HERC5: variants seen among roughly 807,000 people sequenced by gnomAD.
The protein encoded by HERC5 is E3 ISG15--protein ligase HERC5.
In HERC5, 99 loss-of-function variants were observed where a neutral mutation model predicts 119.6. That is an observed-to-expected ratio of 0.83 (90% confidence interval 0.70 to 0.98). The LOEUF is 0.98. Ranked by LOEUF, HERC5 falls within the 50% of genes least tolerant of loss-of-function variation. The pLI is 0.00. For missense variants in HERC5, 1,267 were observed against 1,241.3 expected, an observed-to-expected ratio of 1.02 and a Z score of -0.31; for synonymous variants, 478 against 445.9, an observed-to-expected ratio of 1.07 and a Z score of -0.91.
rs7688056 is a variant in HERC5, at chr4:88,503,591, G to A, written c.2583-641G>A. 5.9e-3 allele frequency among the ~76,000 whole-genome samples: 892 copies of A among 152,138 alleles called. 16 individuals carry two copies. Among genetic ancestry groups the A allele is most frequent in the South Asian group, 0.042 (202 of 4,816 alleles). The stretch of plus-strand genomic sequence containing the variant: ...GTTTTACCTTCCTGGTATATGACTC[G>A]GTTGTCATTAGTAAATGTACTTTTC... On this transcript the variant is annotated intron_variant, in intron 20 of 22. Coordinates refer to ENST00000264350, the MANE Select transcript of HERC5 (RefSeq NM_016323.4).
intron 18 of HERC5, among the ~76,000 whole-genome samples, chr4:88,497,051 G>T (rs1741814436): frequency 6.6e-6 from 1 of 152,130 alleles, no homozygotes; most frequent in African/African-American, 2.4e-5. Context: ...GAATCTGCTG[G>T]CACTTTGATC....
intron 3 of HERC5, among the ~76,000 whole-genome samples, chr4:88,460,565 G>C (rs1740393541): frequency 6.6e-6 from 1 of 152,188 alleles, no homozygotes. Context: ...CCAGGCTGCA[G>C]ACCTCTGATA....
chr4:88,479,564 T>C (rs1741203827), intron 13 of HERC5, 57 bp downstream of exon 13: 7 of 1,419,724 alleles, frequency 4.9e-6, no homozygotes, highest in Admixed American at 5.0e-5. Context: ...ATTCCCTTCC[T>C]TTCAGCTGGC....
intron 14 of HERC5, among the ~76,000 whole-genome samples, chr4:88,486,767 A>G (rs889443717): frequency 6.6e-6 from 1 of 152,224 alleles, no homozygotes; most frequent in African/African-American, 2.4e-5. Context: ...CCGTTTATCA[A>G]ATGCAACTGA....
Position 88,469,196 on chromosome 4 carries a change from A to C in HERC5, c.1174A>C (p.Asn392His). Residue 392 changes from asparagine to histidine, a missense_variant, in exon 9 of 23, where the codon AAT (asparagine) becomes CAT (histidine). Physicochemically the swap from Asn to His is moderately conservative, Grantham distance 68. Around this residue, in one of 3 missense-constraint regions of HERC5, gnomAD observed 777 missense variants for 758.0 expected, o/e 1.03. Coordinates refer to ENST00000264350, the MANE Select transcript of HERC5 (RefSeq NM_016323.4). ...VNLKRTIPTL[N>H]EGTVKRWIAD... ...TCTGAAGAGGACAATTCCTACTCTG[A>C]ATGAAGGGACTGTAAAGAGATGGAT... 1 of 1,613,246 alleles carries C rather than the reference A, an allele frequency of 6.2e-7. No individual in the cohort carries two copies. Among genetic ancestry groups the C allele is most frequent in the Non-Finnish European group, 8.5e-7 (1 of 1,179,284 alleles).
At chr4:88,486,873 A>G (rs1741482282) in intron 14 of HERC5, among the ~76,000 whole-genome samples, 196 bp from the exon 15 acceptor site, 1 of 152,216 alleles carries the variant, frequency 6.6e-6, no homozygotes, top group Admixed American at 6.5e-5. Flanking sequence ...AATGGGCACT[A>G]AACATTCTCT....
At chr4:88,496,337 A>G (rs1741794339) in intron 18 of HERC5, among the ~76,000 whole-genome samples, 1 of 152,230 alleles carries the variant, frequency 6.6e-6, no homozygotes, top group African/African-American at 2.4e-5. Flanking sequence ...AGGGTCAAGA[A>G]TAGCCAGAAA....
intron 18 of HERC5, among the ~76,000 whole-genome samples, chr4:88,494,556 A>G (rs1741745112): frequency 6.6e-6 from 1 of 152,198 alleles, no homozygotes; most frequent in African/African-American, 2.4e-5. Flanking sequence ...TAATCTTTCA[A>G]CTTTTTCTGT....
intron 18 of HERC5, among the ~76,000 whole-genome samples, chr4:88,494,802 A>G (rs539657978): frequency 1.6e-4 from 25 of 152,362 alleles, no homozygotes; most frequent in Middle Eastern, 3.4e-3. Flanking sequence ...CAAGAAGGCA[A>G]CCTGGCAAAG....
rs375852237 is a variant in HERC5, at chr4:88,500,906, C to T, written c.2512-9C>T. 112 of 1,601,162 alleles carry T rather than the reference C, an allele frequency of 7.0e-5. 1 individual carries two copies. In the African/African-American group the frequency reaches 9.8e-4, roughly 14 times the overall value. On this transcript the variant is annotated splice_polypyrimidine_tract_variant and intron_variant, in intron 19 of 22. Coordinates refer to ENST00000264350, the MANE Select transcript of HERC5 (RefSeq NM_016323.4). ...TGGAGATATTATCTGAGTTCATTTGCGGTTACAGGTGCACTGGGACAGAAA... is the reference window on the plus strand; with the variant it reads ...TGGAGATATTATCTGAGTTCATTTGTGGTTACAGGTGCACTGGGACAGAAA...
chr4:88,461,033 G>A (rs1740422112), intron 3 of HERC5, among the ~76,000 whole-genome samples: 1 of 152,086 alleles, frequency 6.6e-6, no homozygotes, highest in Admixed American at 6.6e-5. Flanking sequence ...TAAGATAGAA[G>A]TAGGGTAATA....
chr4:88,461,662 G>A (rs945623527), intron 3 of HERC5, among the ~76,000 whole-genome samples: 3 of 152,196 alleles, frequency 2.0e-5, no homozygotes, highest in East Asian at 1.9e-4. Flanking sequence ...AAACTGACTC[G>A]TTCAAGAAAC....
chr4:88,457,313 C>A lies in HERC5; in HGVS notation c.44C>A (p.Ser15Ter). 2.2e-6 allele frequency: 3 copies of A among 1,378,504 alleles called. No homozygotes were observed. Among genetic ancestry groups the A allele is most frequent in the Non-Finnish European group, 2.8e-6 (3 of 1,069,968 alleles). 85.4% of individuals were successfully genotyped at this position (1,378,504 alleles called of 1,614,324 possible). ...AGGAAGTCGCGGCGCAACGGGCGCT[C>A]GACCGCGGGCAAGGCCGCCGCGACC... ...SRRKSRRNGR[S>*]TAGKAAATQP... Residue 15 changes from serine to a stop codon, truncating the protein, a stop_gained, in exon 1 of 23, where the codon TCG (serine) becomes TAG (stop). Coordinates refer to ENST00000264350, the MANE Select transcript of HERC5 (RefSeq NM_016323.4). LOFTEE classifies it high-confidence loss of function.
intron 15 of HERC5, 87 bp downstream of exon 15, chr4:88,487,266 C>A: frequency 1.4e-6 from 1 of 689,942 alleles, no homozygotes; most frequent in Non-Finnish European, 2.5e-6. Context: ...GATAAGAGAA[C>A]CACCTACCAG....
intron 22 of HERC5, among the ~76,000 whole-genome samples, chr4:88,505,001 A>C (rs1460483991): frequency 6.6e-6 from 1 of 152,236 alleles, no homozygotes; most frequent in Non-Finnish European, 1.5e-5. Context: ...AGGCTTAATG[A>C]CTTTCTCATT....
chr4:88,489,485 G>C, intron 16 of HERC5, 149 bp downstream of exon 16: 2 of 746,194 alleles, frequency 2.7e-6, no homozygotes, highest in Non-Finnish European at 4.3e-6. Flanking sequence ...AGTTGCCTTT[G>C]AGTTTTGGGT....
At chr4:88,481,218 A>G (rs1020473064) in intron 13 of HERC5, among the ~76,000 whole-genome samples, 2 of 152,020 alleles carry the variant, frequency 1.3e-5, no homozygotes, top group South Asian at 4.1e-4. Flanking sequence ...AAACCTTGCT[A>G]ATTTTTATAT....
chr4:88,465,595 C>G (rs918568664), intron 6 of HERC5, among the ~76,000 whole-genome samples: 7 of 152,214 alleles, frequency 4.6e-5, no homozygotes, highest in African/African-American at 1.7e-4. Flanking sequence ...AGTCTTATCA[C>G]CTCTTTGGAT....
chr4:88,498,478 G>A (rs1215565894), intron 18 of HERC5, among the ~76,000 whole-genome samples: 1 of 152,160 alleles, frequency 6.6e-6, no homozygotes, highest in Non-Finnish European at 1.5e-5. Context: ...TTGAGTTTTG[G>A]ACTTAGTTGG....
Sources: gnomAD v4.1 joint callset for allele counts (sites outside exome capture counted in the v4.1 genomes callset) on GRCh38, gnomAD v4.1.1 for gene constraint, gnomAD v4.1.1 regional missense constraint, MANE v1.5 for transcripts, NCBI Gene and HGNC (gene_info 2026-07-23, HGNC 2026-07-21) for gene names.